The following TLDC2 variants were observed in gnomAD, a reference collection of about 807,000 sequenced individuals.
TLDC2 encodes TLD domain-containing protein 2.
A neutral mutation model predicts 27.9 loss-of-function variants in TLDC2; 23 were observed. The observed-to-expected ratio is 0.82, with a 90% CI of 0.59 to 1.17. The LOEUF (loss-of-function observed/expected upper bound fraction) is 1.17, where lower values mean the gene tolerates loss of function less well. Ranked by LOEUF, TLDC2 falls within the 50% of genes most tolerant of loss-of-function variation. The pLI is 0.00. For synonymous variants in TLDC2, 124 were observed against 107.4 expected, an observed-to-expected ratio of 1.16 and a Z score of -0.96; for missense variants, 286 against 273.4, an observed-to-expected ratio of 1.05 and a Z score of -0.32.
chr20:36,893,140 T>C lies in TLDC2; in HGVS notation c.*296T>C. ...ATCATCTTATTTCTGAGTGAAAGTCTCAAGTGCGCACATCCTCATCTTGCA... is the reference window on the plus strand; with the variant it reads ...ATCATCTTATTTCTGAGTGAAAGTCCCAAGTGCGCACATCCTCATCTTGCA... On this transcript the variant is annotated 3_prime_UTR_variant, in exon 7 of 7. Transcript: ENST00000217320. 6.4e-7 allele frequency: 1 copy of C among 1,566,064 alleles called. No homozygotes were observed. Among genetic ancestry groups the C allele is most frequent in the South Asian group, 1.1e-5 (1 of 90,082 alleles).
intron 3 of TLDC2, among the ~76,000 whole-genome samples, chr20:36,879,885 G>GGA (rs1989761577): frequency 7.4e-6 from 1 of 135,152 alleles, no homozygotes; most frequent in South Asian, 2.4e-4. Flanking sequence ...AACCCTGTCT[G>GGA]AAAAAAAAAA....
In TLDC2 at chr20:36,879,187, C is replaced by T. The variant is rs527343746; in HGVS notation, c.336C>T (p.Asp112=). Reference sequence around the variant, plus strand: ...TGCTGCTGGTGCTCAGGGACCAGGACGGGCAGGTGAGCTGGGCAGGGGCAC... The same window carrying T: ...TGCTGCTGGTGCTCAGGGACCAGGATGGGCAGGTGAGCTGGGCAGGGGCAC... ...GPVLLVLRDQ[D]GQIFGAFSSS... is the part of the protein sequence containing the mutation. Residue 112 remains aspartate (D), a synonymous_variant, in exon 3 of 7, where the codon GAC becomes GAT. Coordinates refer to ENST00000217320, the MANE Select transcript of TLDC2 (RefSeq NM_080628.3). 2.0e-5 allele frequency: 32 copies of T among 1,612,282 alleles called. No individual in the cohort carries two copies. In the Admixed American group the frequency reaches 2.2e-4, roughly 11 times the overall value.
chr20:36,885,429 C>T (rs1343645861), intron 4 of TLDC2, among the ~76,000 whole-genome samples: 1 of 152,188 alleles, frequency 6.6e-6, no homozygotes. Flanking sequence ...GGCCTTCTGG[C>T]ACTTGTATTC....
intron 4 of TLDC2, among the ~76,000 whole-genome samples, chr20:36,883,537 C>T (rs867521523): frequency 1.3e-5 from 2 of 152,174 alleles, no homozygotes; most frequent in African/African-American, 2.4e-5. Context: ...AAGTGAATGG[C>T]ATCTCCATCT....
rs1480111694 is a variant in TLDC2 at position 36,893,875 on chromosome 20, C to A, written c.*1031C>A. Reference sequence around the variant, plus strand: ...CTCCGGTAAATTACATTTCTCAGCTCCCATGCCTGTTGGTTTCCAGTTAGA... The same window carrying A: ...CTCCGGTAAATTACATTTCTCAGCTACCATGCCTGTTGGTTTCCAGTTAGA... On this transcript the variant is annotated 3_prime_UTR_variant, in exon 7 of 7. Transcript: ENST00000217320. 5.0e-6 allele frequency: 2 copies of A among 398,506 alleles called. No individual in the cohort carries two copies. The highest frequency in any genetic ancestry group is 4.1e-5 in the African/African-American group (2 of 48,644). 24.7% of individuals were successfully genotyped at this position (398,506 alleles called of 1,614,324 possible).
rs1202237964 is a variant in TLDC2 at position 36,877,997 on chromosome 20, C to T, written c.132C>T (p.Pro44=). ...ACCCAGCTGCTGCTCCTGAGGATCC[C>T]ACGGTGCCCCAGCTGACAGAAGCCA... ...APDPAAAPED[P]TVPQLTEASQ... The change falls in exon 2 of 7, where the codon CCC becomes CCT. Residue 44 remains proline, a synonymous_variant. Transcript: ENST00000217320. 3 of 1,614,102 alleles carry T rather than the reference C, an allele frequency of 1.9e-6. No homozygotes were observed. The highest frequency in any genetic ancestry group is 4.5e-5 in the East Asian group (2 of 44,886).
Position 36,880,084 on chromosome 20 carries a change from T to TATATATATATATAC in TLDC2, c.343-558_343-557insCATATATATATATA, listed in dbSNP as rs1431037797. On this transcript the variant is annotated intron_variant, in intron 3 of 6. Coordinates refer to ENST00000217320, the MANE Select transcript of TLDC2 (RefSeq NM_080628.3). ...ATATATATATACATATATATATATATATATATATATATATATACTTTTTTT... is the reference window on the plus strand; with the variant it reads ...ATATATATATACATATATATATATATATATATATATATACATATATATATATATATACTTTTTTT... 6.7e-5 allele frequency among the ~76,000 whole-genome samples: 3 copies of TATATATATATATAC among 44,770 alleles called. 1 individual carries two copies. The highest frequency in any genetic ancestry group is 1.6e-4 in the African/African-American group (3 of 18,786). 29.4% of individuals were successfully genotyped at this position (44,770 alleles called of 152,430 possible). A position where few individuals can be genotyped will look rare whatever the true frequency, so the allele number is the denominator to read the frequency against.
chr20:36,887,387 C>G (rs925827908), intron 4 of TLDC2, 68 bp from the exon 5 acceptor site: 88 of 1,404,172 alleles, frequency 6.3e-5, no homozygotes, highest in Non-Finnish European at 8.6e-5. Flanking sequence ...TCCAGTGGTT[C>G]GGGGTCAAAC....
intron 4 of TLDC2, among the ~76,000 whole-genome samples, chr20:36,884,314 T>A (rs1320345845): frequency 1.3e-5 from 2 of 152,194 alleles, no homozygotes; most frequent in Non-Finnish European, 2.9e-5. Flanking sequence ...TCCTTAAACA[T>A]GCAAGCCTGC....
In TLDC2 at chr20:36,877,960, A is replaced by C; in HGVS notation, c.95A>C (p.Glu32Ala). 6.2e-7 allele frequency: 1 copy of C among 1,614,068 alleles called. No homozygotes were observed. The highest frequency in any genetic ancestry group is 8.5e-7 in the Non-Finnish European group (1 of 1,179,982). The stretch of plus-strand genomic sequence containing the variant: ...GGTAACGAAGAGGAAGAGGAGGAGG[A>C]GGCAGCTCCAGACCCAGCTGCTGCT... ...EEGNEEEEEE[E>A]AAPDPAAAPE... The change falls in exon 2 of 7, where the codon GAG becomes GCG. Residue 32 changes from glutamate (E) to alanine (A), a missense_variant. By Grantham distance (107) the Glu-to-Ala change is moderately radical. Coordinates refer to ENST00000217320, the MANE Select transcript of TLDC2 (RefSeq NM_080628.3).
At chr20:36,877,371 AC>A (rs1187433920) in intron 1 of TLDC2, among the ~76,000 whole-genome samples, 1 of 138,280 alleles carries the variant, frequency 7.2e-6, no homozygotes, top group Non-Finnish European at 1.5e-5. Flanking sequence ...ACAGAGCAAG[AC>A]CCTGTCTCAA....
chr20:36,891,233 G>A (rs895133495), intron 6 of TLDC2: 7 of 152,282 alleles, frequency 4.6e-5, no homozygotes, highest in Non-Finnish European at 8.8e-5. Flanking sequence ...GGATGGACAG[G>A]GGGTGGGGTG....
chr20:36,892,854 A>G lies in TLDC2; in HGVS notation c.*18-8A>G. ...AAAATTAAAGCATGAGTTGTCATTA[A>G]TTTGCAGAATTCTATGATTGAAGCC... On this transcript the variant is annotated splice_polypyrimidine_tract_variant and splice_region_variant and intron_variant, in intron 6 of 6. Transcript: ENST00000217320. The G allele has an allele frequency of 1.1e-5, 18 of 1,566,432 alleles. No homozygotes were observed. Among genetic ancestry groups the G allele is most frequent in the Non-Finnish European group, 1.6e-5 (18 of 1,136,486 alleles).
chr20:36,891,118 C>T (rs910888042), intron 6 of TLDC2: 1 of 152,188 alleles, frequency 6.6e-6, no homozygotes, highest in East Asian at 1.9e-4. Context: ...TTGCTGAGCC[C>T]ATATGTGAAC....
chr20:36,883,860 G>A (rs774311797), intron 4 of TLDC2, among the ~76,000 whole-genome samples: 99 of 152,256 alleles, frequency 6.5e-4, no homozygotes, highest in Non-Finnish European at 1.1e-3. Context: ...TTGGGAGGCC[G>A]AGGCAGGTAG....
Position 36,880,757 on chromosome 20 carries a change from T to C in TLDC2, c.438+7T>C. ...CTTCTCCCCACAGCTGAAGGTGATG[T>C]TCCCAACCTTCCATGGGGGGAGTGG... On this transcript the variant is annotated splice_region_variant and intron_variant, in intron 4 of 6. Coordinates refer to ENST00000217320, the MANE Select transcript of TLDC2 (RefSeq NM_080628.3). 1 of 1,612,836 alleles carries C rather than the reference T, an allele frequency of 6.2e-7. No individual in the cohort carries two copies. The highest frequency in any genetic ancestry group is 1.1e-5 in the South Asian group (1 of 91,052).
intron 1 of TLDC2, among the ~76,000 whole-genome samples, chr20:36,877,591 G>A (rs1442047850): frequency 1.5e-5 from 2 of 136,300 alleles, no homozygotes; most frequent in Non-Finnish European, 3.2e-5. Context: ...CACCCACCCA[G>A]GACCATGGCA....
rs1568748992 is a variant in TLDC2 at position 36,880,736 on chromosome 20, TC to T, written c.428del (p.Pro143HisfsTer3). Reference protein sequence around the residue: ...GTGETFLFSFSPQLKVFKWTG... With the variant: ...GTGETFLFSFXPQLKVFKWTG... The stretch of plus-strand genomic sequence containing the variant: ...TGGCGAGACATTCCTCTTCTCCTTC[TC>T]CCCACAGCTGAAGGTGATGTTCCCA... On this transcript the variant is annotated frameshift_variant, in exon 4 of 7. Coordinates refer to ENST00000217320, the MANE Select transcript of TLDC2 (RefSeq NM_080628.3). LOFTEE classifies it high-confidence loss of function. The T allele has an allele frequency of 1.9e-6, 3 of 1,614,076 alleles. No individual in the cohort carries two copies. The South Asian group carries it at 3.3e-5, about 18-fold the overall frequency.
Position 36,893,715 on chromosome 20 carries a change from T to C in TLDC2, c.*871T>C, listed in dbSNP as rs974160920. The C allele has an allele frequency of 5.6e-5, 22 of 393,892 alleles. No homozygotes were observed. The highest frequency in any genetic ancestry group is 8.5e-5 in the Non-Finnish European group (19 of 223,922). 24.4% of individuals were successfully genotyped at this position (393,892 alleles called of 1,614,324 possible). On this transcript the variant is annotated 3_prime_UTR_variant, in exon 7 of 7. Coordinates refer to ENST00000217320, the MANE Select transcript of TLDC2 (RefSeq NM_080628.3). The stretch of plus-strand genomic sequence containing the variant: ...GGGTAGATCTTCTTTGGTTACAAGA[T>C]GATGCACGATCTTGGAGAGCCTCTG...
Sources: gnomAD v4.1 joint callset for allele counts (sites outside exome capture counted in the v4.1 genomes callset) on GRCh38, gnomAD v4.1.1 for gene constraint, MANE v1.5 for transcripts, NCBI Gene and HGNC (gene_info 2026-07-23, HGNC 2026-07-21) for gene names.